Variants in MCPH1 observed in about 807,000 individuals in gnomAD.
The protein encoded by MCPH1 is microcephalin.
A neutral mutation model predicts 84.5 loss-of-function variants in MCPH1; 104 were observed. That is an observed-to-expected ratio of 1.23 (90% CI 1.05 to 1.45). The LOEUF is 1.45. Among genes scored for constraint, MCPH1 ranks in the 40% most tolerant of loss-of-function variants. MCPH1 has a pLI of 0.00. For missense variants in MCPH1, 1,498 were observed against 1,005.7 expected, an observed-to-expected ratio of 1.49 and a Z score of -6.62; for synonymous variants, 514 against 366.8, an observed-to-expected ratio of 1.40 and a Z score of -4.58.
At chr8:6,478,273 C>CAA (rs1343210971) in intron 10 of MCPH1, among the ~76,000 whole-genome samples, 8 of 152,086 alleles carry the variant, frequency 5.3e-5, no homozygotes, top group Non-Finnish European at 5.9e-5. Context: ...TAGTGGGATC[C>CAA]TTTTCCTGCC....
At chr8:6,425,265 C>G (rs553545528) in intron 3 of MCPH1, among the ~76,000 whole-genome samples, 1 of 152,156 alleles carries the variant, frequency 6.6e-6, no homozygotes, top group Non-Finnish European at 1.5e-5. Context: ...TTAGAGACAT[C>G]TCTTGAAACA....
chr8:6,419,426 G>C (rs1799835722), intron 3 of MCPH1, among the ~76,000 whole-genome samples: 1 of 151,428 alleles, frequency 6.6e-6, no homozygotes, highest in East Asian at 1.9e-4. Flanking sequence ...TTGAGATGGA[G>C]TCTTGCTCTG....
At chr8:6,503,453 C>T (rs1237359514) in intron 12 of MCPH1, among the ~76,000 whole-genome samples, 1 of 152,178 alleles carries the variant, frequency 6.6e-6, no homozygotes, top group Non-Finnish European at 1.5e-5. Context: ...CATCACAGTT[C>T]CATTACGGCA....
At chr8:6,602,223 G>A (rs528989711) in intron 12 of MCPH1, among the ~76,000 whole-genome samples, 2 of 152,210 alleles carry the variant, frequency 1.3e-5, no homozygotes, top group African/African-American at 2.4e-5. Flanking sequence ...GGCAACAAGG[G>A]GCCAGCCCGT....
chr8:6,440,969 G>C (rs1803423898), intron 6 of MCPH1, among the ~76,000 whole-genome samples: 1 of 152,142 alleles, frequency 6.6e-6, no homozygotes, highest in Admixed American at 6.5e-5. Flanking sequence ...TCTTTCTGTT[G>C]TACCTGCCTG....
At chr8:6,579,857 G>T (rs922662725) in intron 12 of MCPH1, among the ~76,000 whole-genome samples, 1 of 152,128 alleles carries the variant, frequency 6.6e-6, no homozygotes, top group African/African-American at 2.4e-5. Flanking sequence ...ATATTAAGGG[G>T]GCTATGTCGC....
At chr8:6,577,652 A>C (rs1270439805) in intron 12 of MCPH1, among the ~76,000 whole-genome samples, 3 of 152,254 alleles carry the variant, frequency 2.0e-5, no homozygotes, top group Non-Finnish European at 2.9e-5. Context: ...GAATAATTTT[A>C]TATGCCACAA....
At chr8:6,552,546 C>G (rs1466690945) in intron 12 of MCPH1, among the ~76,000 whole-genome samples, 2 of 152,132 alleles carry the variant, frequency 1.3e-5, no homozygotes, top group African/African-American at 4.8e-5. Flanking sequence ...TAACCTTTAA[C>G]TAATGTGAGA....
chr8:6,553,298 A>C (rs1436458355), intron 12 of MCPH1, among the ~76,000 whole-genome samples: 1 of 152,180 alleles, frequency 6.6e-6, no homozygotes, highest in East Asian at 1.9e-4. Context: ...CATTTACTAC[A>C]TATGAAAAGG....
chr8:6,454,056 C>T lies in MCPH1; in HGVS notation c.1826-1087C>T, dbSNP rs533887587. On this transcript the variant is annotated intron_variant, in intron 8 of 13. Coordinates refer to ENST00000344683, the MANE Select transcript of MCPH1 (RefSeq NM_024596.5). ...TTTTTGAAAAGAGTGACAGTTTTTACCTTAGACTCTCCAAACTTAGTTATA... is the reference window on the plus strand; with the variant it reads ...TTTTTGAAAAGAGTGACAGTTTTTATCTTAGACTCTCCAAACTTAGTTATA... Among the ~76,000 whole-genome samples, 29 of 152,248 alleles carry T rather than the reference C, an allele frequency of 1.9e-4. 1 individual carries two copies. In the South Asian group the frequency reaches 5.8e-3, roughly 30 times the overall value.
intron 8 of MCPH1, among the ~76,000 whole-genome samples, chr8:6,453,727 G>C (rs1349537549): frequency 2.0e-5 from 3 of 152,130 alleles, no homozygotes; most frequent in Non-Finnish European, 4.4e-5. Flanking sequence ...TAATCTTAAA[G>C]ACGATAGGAG....
intron 9 of MCPH1, among the ~76,000 whole-genome samples, chr8:6,473,211 T>C (rs1807983518): frequency 6.6e-6 from 1 of 152,056 alleles, no homozygotes; most frequent in Non-Finnish European, 1.5e-5. Flanking sequence ...TTTTAAGAGA[T>C]CATCTGCATT....
chr8:6,598,976 G>C (rs1176119521), intron 12 of MCPH1, among the ~76,000 whole-genome samples: 1 of 152,212 alleles, frequency 6.6e-6, no homozygotes, highest in Non-Finnish European at 1.5e-5. Context: ...ACCCTAATTA[G>C]TTCTGATTCC....
At chr8:6,634,201 G>T (rs192488604) in intron 13 of MCPH1, among the ~76,000 whole-genome samples, 1 of 152,162 alleles carries the variant, frequency 6.6e-6, no homozygotes, top group Non-Finnish European at 1.5e-5. Flanking sequence ...AACAAGCGAA[G>T]ATCTATCCTG....
At chr8:6,475,005 G>GA (rs1387868711) in intron 9 of MCPH1, among the ~76,000 whole-genome samples, 1 of 152,140 alleles carries the variant, frequency 6.6e-6, no homozygotes, top group African/African-American at 2.4e-5. Context: ...TAGTGCTGTT[G>GA]AAAGTATTAT....
chr8:6,523,683 G>A (rs1169842959), intron 12 of MCPH1, among the ~76,000 whole-genome samples: 5 of 152,068 alleles, frequency 3.3e-5, no homozygotes, highest in Non-Finnish European at 5.9e-5. Flanking sequence ...TCCGCCTCCC[G>A]GATTCAAGCA....
At chr8:6,625,516 AAAAAG>A in intron 13 of MCPH1, 1 of 983,394 alleles carries the variant, frequency 1.0e-6, no homozygotes, top group Non-Finnish European at 1.2e-6. Context: ...CACCAAATCG[AAAAAG>A]AAGTTATTTT....
At chr8:6,429,818 G>C (rs915606870) in intron 3 of MCPH1, among the ~76,000 whole-genome samples, 3 of 151,990 alleles carry the variant, frequency 2.0e-5, no homozygotes, top group African/African-American at 7.3e-5. Context: ...TTCCCTGACT[G>C]GCCTCCTCCT....
At chr8:6,618,229 G>T (rs930732857) in intron 12 of MCPH1, among the ~76,000 whole-genome samples, 2 of 151,808 alleles carry the variant, frequency 1.3e-5, no homozygotes, top group African/African-American at 4.9e-5. Flanking sequence ...GCGAGAGCCA[G>T]TGGTGATACA....
Sources: gnomAD v4.1 joint callset for allele counts (sites outside exome capture counted in the v4.1 genomes callset) on GRCh38, gnomAD v4.1.1 for gene constraint, MANE v1.5 for transcripts, NCBI Gene and HGNC (gene_info 2026-07-23, HGNC 2026-07-21) for gene names.